TPTE2: variants seen among roughly 807,000 people sequenced by gnomAD.
TPTE2 encodes the protein transmembrane phosphoinositide 3-phosphatase and tensin homolog 2.
In TPTE2, 53 loss-of-function variants were observed where a neutral mutation model predicts 78.6. The observed-to-expected ratio is 0.67, with a 90% CI of 0.54 to 0.85. The LOEUF (loss-of-function observed/expected upper bound fraction) is 0.85, where lower values mean the gene tolerates loss of function less well. TPTE2 is among the 40% of genes least tolerant of loss of function. TPTE2 has a pLI of 0.00. For synonymous variants in TPTE2, 175 were observed against 206.2 expected, an observed-to-expected ratio of 0.85 and a Z score of 1.30; for missense variants, 461 against 623.0, an observed-to-expected ratio of 0.74 and a Z score of 2.77.
At chr13:19,444,857 C>T (rs1458369292) in intron 13 of TPTE2, among the ~76,000 whole-genome samples, 1 of 152,186 alleles carries the variant, frequency 6.6e-6, no homozygotes, top group Admixed American at 6.5e-5. Flanking sequence ...GAAACAGATT[C>T]ATGTTCTTCA....
chr13:19,468,189 C>T (rs1317097507), intron 6 of TPTE2, among the ~76,000 whole-genome samples: 1 of 151,084 alleles, frequency 6.6e-6, no homozygotes, highest in African/African-American at 2.4e-5. Flanking sequence ...TACAGGCGAC[C>T]GACACCACAC....
At chr13:19,517,513 A>T (rs1238103143) in intron 1 of TPTE2, among the ~76,000 whole-genome samples, 1 of 152,080 alleles carries the variant, frequency 6.6e-6, no homozygotes, top group Admixed American at 6.5e-5. Context: ...TTTCCTGTCT[A>T]TGGGCCCCAG....
At chr13:19,493,702 G>C (rs1178674054) in intron 1 of TPTE2, 1 of 634,360 alleles carries the variant, frequency 1.6e-6, no homozygotes, top group Non-Finnish European at 2.8e-6. Flanking sequence ...TCTTAGGCTG[G>C]GGAAAATTGT....
chr13:19,429,933 G>A lies in TPTE2; in HGVS notation c.1302+535C>T, dbSNP rs187488140. Among the ~76,000 whole-genome samples, 638 of 152,196 alleles carry A rather than the reference G, an allele frequency of 4.2e-3. 5 individuals carry two copies. The highest frequency in any genetic ancestry group is 0.026 in the South Asian group (126 of 4,810). The stretch of plus-strand genomic sequence containing the variant: ...TTCACCCTTGCGTTGTTTCTCACAG[G>A]GTCATCCCACAGAACGTCTGACTTA... On this transcript the variant is annotated intron_variant, in intron 17 of 19. Transcript: ENST00000400230.
At chr13:19,464,581 A>C (rs1879145370) in intron 9 of TPTE2, 61 bp from the exon 13 acceptor site, 2 of 1,558,514 alleles carry the variant, frequency 1.3e-6, no homozygotes, top group Admixed American at 1.9e-5. Flanking sequence ...ACACAAAAAA[A>C]ATTAATTTAT....
At chr13:19,530,639 G>C (rs1870811199) in intron 1 of TPTE2, among the ~76,000 whole-genome samples, 1 of 152,002 alleles carries the variant, frequency 6.6e-6, no homozygotes, top group African/African-American at 2.4e-5. Context: ...TGAACTCATG[G>C]GCTCAAGTGA....
At chr13:19,469,831 G>A (rs369050087) in intron 6 of TPTE2, among the ~76,000 whole-genome samples, 42 of 152,010 alleles carry the variant, frequency 2.8e-4, no homozygotes, top group Non-Finnish European at 5.3e-4. Flanking sequence ...AATGGTTCAC[G>A]GTTGACATAT....
At position 19,473,891 on chromosome 13, in the gene TPTE2, A is replaced by G. The variant is rs746461280; in HGVS notation, c.392+23T>C. The stretch of plus-strand genomic sequence containing the variant: ...ATAAAAGTACAAAATAGCTTAATGC[A>G]TTATAAAAATAATCAAACTTACCCT... On this transcript the variant is annotated intron_variant, in intron 6 of 19. Coordinates refer to ENST00000400230, the Ensembl canonical transcript of TPTE2. 5.3e-5 allele frequency: 83 copies of G among 1,569,038 alleles called. No individual in the cohort carries two copies. In the African/African-American group the frequency reaches 9.2e-4, roughly 17 times the overall value.
chr13:19,514,002 G>A (rs1335049041), intron 1 of TPTE2, among the ~76,000 whole-genome samples: 1 of 152,088 alleles, frequency 6.6e-6, no homozygotes, highest in Non-Finnish European at 1.5e-5. Flanking sequence ...CTTTGAGTTT[G>A]GGGCACCAGC....
chr13:19,529,841 CTTTG>C (rs1870755117), intron 1 of TPTE2, among the ~76,000 whole-genome samples: 1 of 152,148 alleles, frequency 6.6e-6, no homozygotes, highest in Non-Finnish European at 1.5e-5. Context: ...CATTTTGAAA[CTTTG>C]TTTCTCTGTG....
intron 6 of TPTE2, among the ~76,000 whole-genome samples, chr13:19,472,168 G>C (rs1879659123): frequency 6.6e-6 from 1 of 152,008 alleles, no homozygotes; most frequent in African/African-American, 2.4e-5. Context: ...AGTTACATCT[G>C]CTCGGTGTTT....
chr13:19,461,933 C>T (rs1191508596), intron 10 of TPTE2, among the ~76,000 whole-genome samples: 44 of 134,330 alleles, frequency 3.3e-4, no homozygotes, highest in East Asian at 6.4e-4. Context: ...ACAGTTGGGT[C>T]TTTTTTTTTT....
chr13:19,457,203 T>G lies in TPTE2; in HGVS notation c.742-5978A>C, dbSNP rs146118284. On this transcript the variant is annotated intron_variant, in intron 10 of 19. Transcript: ENST00000400230. ...TAGACCAATATATTGACAGAGGTGT[T>G]GGTTACATGCATATATACTCAGGTA... Among the ~76,000 whole-genome samples the G allele has an allele frequency of 6.7e-3, 1,021 of 152,266 alleles. 9 individuals carry two copies. Among genetic ancestry groups the G allele is most frequent in the African/African-American group, 0.022 (904 of 41,570 alleles).
At chr13:19,496,080 C>T (rs1881293234) in intron 1 of TPTE2, among the ~76,000 whole-genome samples, 1 of 152,162 alleles carries the variant, frequency 6.6e-6, no homozygotes, top group Non-Finnish European at 1.5e-5. Context: ...GTTGGCCAGG[C>T]TGGCCTTGAA....
the TPTE2 span, among the ~76,000 whole-genome samples, chr13:19,546,695 G>A: frequency 1.3e-5 from 2 of 151,626 alleles, no homozygotes; most frequent in Non-Finnish European, 2.9e-5. Flanking sequence ...TCAACATGTT[G>A]GCCAGGCTGG....
At chr13:19,450,418 A>G in intron 11 of TPTE2, 74 bp from the exon 15 acceptor site, 2 of 1,340,490 alleles carry the variant, frequency 1.5e-6, no homozygotes, top group Non-Finnish European at 2.1e-6. Flanking sequence ...GAATAAGTTA[A>G]CATATCTTAT....
chr13:19,423,651 G>C (rs1412521236), intron 19 of TPTE2, among the ~76,000 whole-genome samples: 1 of 152,028 alleles, frequency 6.6e-6, no homozygotes, highest in African/African-American at 2.4e-5. Context: ...ATTTATGCCT[G>C]GTGTTCTAAA....
At chr13:19,445,817 T>C (rs1027194607) in intron 13 of TPTE2, among the ~76,000 whole-genome samples, 23 of 152,306 alleles carry the variant, frequency 1.5e-4, no homozygotes, top group African/African-American at 5.5e-4. Context: ...GGCGGACGCC[T>C]GTAATCCCAG....
Position 19,430,453 on chromosome 13 carries a change from CAT to C in TPTE2, c.1302+13_1302+14del, listed in dbSNP as rs1453004383. Reference sequence around the variant, plus strand: ...ACAAACATCAGATTTTTTCAATTCACATGTTTTCTCTTACCGAACAATTTCCT... The same window carrying C: ...ACAAACATCAGATTTTTTCAATTCACGTTTTCTCTTACCGAACAATTTCCT... On this transcript the variant is annotated intron_variant, in intron 17 of 19. Coordinates refer to ENST00000400230, the Ensembl canonical transcript of TPTE2. 4 of 1,594,554 alleles carry C rather than the reference CAT, an allele frequency of 2.5e-6. No individual in the cohort carries two copies. The highest frequency in any genetic ancestry group is 3.4e-6 in the Non-Finnish European group (4 of 1,166,092).
Sources: gnomAD v4.1 joint callset for allele counts (sites outside exome capture counted in the v4.1 genomes callset) on GRCh38, gnomAD v4.1.1 for gene constraint, MANE v1.5 for transcripts, NCBI Gene and HGNC (gene_info 2026-07-23, HGNC 2026-07-21) for gene names.